The following PRPF6 variants were observed in gnomAD, a reference collection of about 807,000 sequenced individuals.
PRPF6 encodes pre-mRNA-processing factor 6.
In PRPF6, 42 loss-of-function variants were observed where a neutral mutation model predicts 118.3. That is an observed-to-expected ratio of 0.35 (90% CI 0.28 to 0.46). The LOEUF is 0.46. Ranked by LOEUF, PRPF6 falls within the 20% of genes least tolerant of loss-of-function variation. The pLI is 1.00. For synonymous variants in PRPF6, 481 were observed against 485.1 expected (o/e 0.99, Z 0.11); for missense variants, 662 against 1,255.7 (o/e 0.53, Z 7.15).
rs562366654 is a variant in PRPF6 at position 63,991,068 on chromosome 20, G to A, written c.360-2339G>A. On this transcript the variant is annotated intron_variant, in intron 3 of 20. Coordinates refer to ENST00000266079, the MANE Select transcript of PRPF6 (RefSeq NM_012469.4). ...CCCAAAGTGCTAGGATTACAGGCAT[G>A]AGTTACTACACTCAGCCCTACATTT... 2.6e-5 allele frequency among the ~76,000 whole-genome samples: 4 copies of A among 152,226 alleles called. No individual in the cohort carries two copies. In the East Asian group the frequency reaches 5.8e-4, roughly 22 times the overall value.
Position 64,010,184 on chromosome 20 carries a change from G to C in PRPF6, c.1187-16G>C. On this transcript the variant is annotated splice_polypyrimidine_tract_variant and intron_variant, in intron 9 of 20. Coordinates refer to ENST00000266079, the MANE Select transcript of PRPF6 (RefSeq NM_012469.4). Reference sequence around the variant, plus strand: ...CTCCTTTTCTGTGACGTGGTTTCTCGTTTGACCTTTCCTAGCCCTCGAGCA... The same window carrying C: ...CTCCTTTTCTGTGACGTGGTTTCTCCTTTGACCTTTCCTAGCCCTCGAGCA... The C allele has an allele frequency of 6.2e-7, 1 of 1,609,326 alleles. No homozygotes were observed. Among genetic ancestry groups the C allele is most frequent in the Non-Finnish European group, 8.5e-7 (1 of 1,175,742 alleles).
chr20:64,021,991 T>TGTGTGC (rs1555920137), intron 12 of PRPF6, among the ~76,000 whole-genome samples: 1 of 122,914 alleles, frequency 8.1e-6, no homozygotes, highest in African/African-American at 3.6e-5. Flanking sequence ...CACAGCCCTG[T>TGTGTGC]GTGTGTGTGT....
Position 64,011,644 on chromosome 20 carries a change from C to G in PRPF6, c.1524+141C>G. ...GAAGCAGGCACAGGTGTGAATGGGC[C>G]CTGAGGGACCTGGGCATGCCCACTG... On this transcript the variant is annotated intron_variant, in intron 11 of 20. Transcript: ENST00000266079. This position sits in a 1 kb window ranked among gnomAD's most constrained non-coding sequence, Gnocchi z 6.7. The G allele has an allele frequency of 1.1e-6, 1 of 947,646 alleles. No individual in the cohort carries two copies. Among genetic ancestry groups the G allele is most frequent in the South Asian group, 1.4e-5 (1 of 70,298 alleles). 58.7% of individuals were successfully genotyped at this position (947,646 alleles called of 1,614,324 possible).
At position 64,032,907 on chromosome 20, in the gene PRPF6, G is replaced by A. The variant is rs538462570; in HGVS notation, c.2740G>A (p.Ala914Thr). 20 of 1,613,150 alleles carry A rather than the reference G, an allele frequency of 1.2e-5. 1 individual carries two copies. The highest frequency in any genetic ancestry group is 1.6e-4 in the Middle Eastern group (1 of 6,084). Residue 914 changes from alanine to threonine, a missense_variant, in exon 21 of 21, where the codon GCC becomes ACC. Around this residue, in one of 10 missense-constraint regions of PRPF6, gnomAD observed 244 missense variants for 383.7 expected, o/e 0.64. Transcript: ENST00000266079. ...AEPRHGELWC[A>T]VSKDIANWQK... ...GCCTCGGCATGGGGAGCTGTGGTGC[G>A]CCGTGTCCAAGGACATCGCCAACTG... is the stretch of plus-strand genomic sequence containing the variant.
Position 64,029,623 on chromosome 20 carries a change from C to G in PRPF6, c.2546+132C>G, listed in dbSNP as rs541016302. 9.9e-5 allele frequency: 79 copies of G among 795,160 alleles called. No individual in the cohort carries two copies. The African/African-American group carries it at 1.2e-3, about 12-fold the overall frequency. The allele number at this position is 795,160 out of a possible 1,614,324, so 49.3% of individuals were successfully genotyped here. ...GTGGGCTTCCCCGATCCTCGGCTGC[C>G]GTCGCTCCTGCTGTGGTCTGGGGCA... On this transcript the variant is annotated intron_variant, in intron 19 of 20. Transcript: ENST00000266079. This position sits in a 1 kb window ranked among gnomAD's most constrained non-coding sequence, Gnocchi z 4.8.
At chr20:64,009,155 C>T (rs977166758) in intron 9 of PRPF6, among the ~76,000 whole-genome samples, 29 of 151,792 alleles carry the variant, frequency 1.9e-4, no homozygotes, top group Non-Finnish European at 3.1e-4. Flanking sequence ...GGTGGCTGCA[C>T]GCCTGTACTC....
At chr20:64,031,787 T>C (rs879888669) in intron 19 of PRPF6, 131 bp from the exon 20 acceptor site, 1 of 1,248,696 alleles carries the variant, frequency 8.0e-7, no homozygotes, top group Non-Finnish European at 1.2e-6. Flanking sequence ...GCCCTGATCC[T>C]CAGGCCTTCT....
At chr20:63,988,071 G>A (rs566935685) in intron 3 of PRPF6, among the ~76,000 whole-genome samples, 1 of 152,158 alleles carries the variant, frequency 6.6e-6, no homozygotes, top group South Asian at 2.1e-4. Flanking sequence ...TGTAATCCCA[G>A]CACCTTGGGA....
rs772378235 is a variant in PRPF6, at chr20:64,010,261, T to C, written c.1248T>C (p.Pro416=). ...AAGCAGCCGTTGAGCTGGAAGAACCTGAAGATGCTAGAATCATGCTGAGCC... is the reference window on the plus strand; with the variant it reads ...AAGCAGCCGTTGAGCTGGAAGAACCCGAAGATGCTAGAATCATGCTGAGCC... ...LWKAAVELEE[P]EDARIMLSRA... Residue 416 remains proline, a synonymous_variant, in exon 10 of 21, where the codon CCT becomes CCC. Coordinates refer to ENST00000266079, the MANE Select transcript of PRPF6 (RefSeq NM_012469.4). 3.1e-6 allele frequency: 5 copies of C among 1,614,158 alleles called. No individual in the cohort carries two copies. The South Asian group carries it at 4.4e-5, about 14-fold the overall frequency.
At chr20:63,989,748 T>TGTGCTCCATCCACCTCGGCCTCCCAAA (rs2059110406) in intron 3 of PRPF6, among the ~76,000 whole-genome samples, 1 of 151,644 alleles carries the variant, frequency 6.6e-6, no homozygotes, top group African/African-American at 2.4e-5. Context: ...CTCCTGGCCT[T>TGTGCTCCATCCACCTCGGCCTCCCAAA]GTGCTCCATC....
At chr20:63,988,662 G>C (rs943381063) in intron 3 of PRPF6, among the ~76,000 whole-genome samples, 5 of 152,104 alleles carry the variant, frequency 3.3e-5, no homozygotes, top group African/African-American at 1.2e-4. Context: ...TGGATCACTT[G>C]AGGTCAGCAG....
In PRPF6 at chr20:64,026,192, T is replaced by C; in HGVS notation, c.2028+134T>C. On this transcript the variant is annotated intron_variant, in intron 15 of 20. Coordinates refer to ENST00000266079, the MANE Select transcript of PRPF6 (RefSeq NM_012469.4). The surrounding 1 kb of genome is among the most constrained non-coding windows in gnomAD (Gnocchi z 4.4). ...GACCACAGCACACTCATCTTTGTGA[T>C]GTGACTAAAACATTCATGTGGCCGG... 6.8e-7 allele frequency: 1 copy of C among 1,480,162 alleles called. No homozygotes were observed. Among genetic ancestry groups the C allele is most frequent in the African/African-American group, 1.4e-5 (1 of 71,970 alleles). The allele number at this position is 1,480,162 out of a possible 1,614,324, so 91.7% of individuals were successfully genotyped here. A position where few individuals can be genotyped will look rare whatever the true frequency, so the allele number is the denominator to read the frequency against.
chr20:64,013,368 A>C (rs1292466424), intron 11 of PRPF6, among the ~76,000 whole-genome samples: 1 of 152,234 alleles, frequency 6.6e-6, no homozygotes, highest in Non-Finnish European at 1.5e-5. Context: ...AGAAAAATAA[A>C]TAATGAAATT....
At chr20:64,017,683 G>T (rs1045210484) in intron 12 of PRPF6, among the ~76,000 whole-genome samples, 4 of 152,224 alleles carry the variant, frequency 2.6e-5, no homozygotes, top group Non-Finnish European at 5.9e-5. Context: ...ACGCCTGGCC[G>T]CAGATTTGCT....
rs1489475238 is a variant in PRPF6 at position 63,999,599 on chromosome 20, A to G, written c.867-4A>G. ...TGATGCCGTGTGCACTCTCCCTCTC[A>G]TAGTGATATCAAGAAGGCGCGACTG... On this transcript the variant is annotated splice_region_variant and splice_polypyrimidine_tract_variant and intron_variant, in intron 7 of 20. Coordinates refer to ENST00000266079, the MANE Select transcript of PRPF6 (RefSeq NM_012469.4). 1.9e-6 allele frequency: 3 copies of G among 1,613,904 alleles called. No homozygotes were observed. Among genetic ancestry groups the G allele is most frequent in the Non-Finnish European group, 2.5e-6 (3 of 1,180,056 alleles).
At chr20:63,994,428 A>T (rs997821406) in intron 4 of PRPF6, among the ~76,000 whole-genome samples, 2 of 152,172 alleles carry the variant, frequency 1.3e-5, no homozygotes, top group African/African-American at 4.8e-5. Context: ...AAGTGCTGGG[A>T]TTAACAGGCA....
At chr20:63,990,523 C>T (rs546635430) in intron 3 of PRPF6, among the ~76,000 whole-genome samples, 32 of 151,530 alleles carry the variant, frequency 2.1e-4, no homozygotes, top group African/African-American at 6.1e-4. Flanking sequence ...CAGGGTGGAG[C>T]GCGGTGGCTT....
At position 64,027,241 on chromosome 20, in the gene PRPF6, C is replaced by T. The variant is rs557770283; in HGVS notation, c.2205+83C>T. 2,168 of 1,537,610 alleles carry T rather than the reference C, an allele frequency of 1.4e-3. 1 individual carries two copies. Among genetic ancestry groups the T allele is most frequent in the Admixed American group, 1.8e-3 (95 of 54,122 alleles). On this transcript the variant is annotated intron_variant, in intron 16 of 20. Coordinates refer to ENST00000266079, the MANE Select transcript of PRPF6 (RefSeq NM_012469.4). This position sits in a 1 kb window ranked among gnomAD's most constrained non-coding sequence, Gnocchi z 6.5. ...CCCCTGGTGCAGGGTCATTGCCCTT[C>T]GCCTCTGAGGAGATGTGGAGGGCTG...
intron 3 of PRPF6, among the ~76,000 whole-genome samples, chr20:63,987,196 G>GT (rs943685768): frequency 6.7e-6 from 1 of 149,722 alleles, no homozygotes; most frequent in South Asian, 2.1e-4. Context: ...AAAAGGGGGG[G>GT]GGAGCATAAC....
Sources: allele counts gnomAD v4.1 joint callset (sites outside exome capture counted in the v4.1 genomes callset), GRCh38; gene constraint gnomAD v4.1.1; regional missense constraint gnomAD v4.1.1; non-coding constraint Gnocchi (gnomAD v3.1); transcripts MANE v1.5; gene names NCBI Gene and HGNC (gene_info 2026-07-23, HGNC 2026-07-21).